ATRIP: variants seen among roughly 807,000 people sequenced by gnomAD.
The protein encoded by ATRIP is ATR-interacting protein.
ATRIP carries 44 observed loss-of-function variants against 78.1 expected under a neutral mutation model. The observed-to-expected ratio is 0.56, with a 90% CI of 0.44 to 0.72. The LOEUF (loss-of-function observed/expected upper bound fraction) is 0.72, where lower values mean the gene tolerates loss of function less well. Ranked by LOEUF, ATRIP falls within the 30% of genes least tolerant of loss-of-function variation. ATRIP has a pLI of 0.00. For synonymous variants in ATRIP, 388 were observed against 408.9 expected (o/e 0.95, Z 0.62); for missense variants, 927 against 980.2 (o/e 0.95, Z 0.72).
intron 8 of ATRIP, among the ~76,000 whole-genome samples, chr3:48,462,934 T>TA (rs1325005404): frequency 6.6e-6 from 1 of 152,192 alleles, no homozygotes. Context: ...GGATTTGCCC[T>TA]AAAGTGAGTT....
chr3:48,458,563 A>C (rs886606571), intron 5 of ATRIP, among the ~76,000 whole-genome samples: 6 of 151,708 alleles, frequency 4.0e-5, no homozygotes, highest in Non-Finnish European at 5.9e-5. Flanking sequence ...CTCGTGATCC[A>C]CCCACTTCAG....
intron 1 of ATRIP, chr3:48,447,483 C>T: frequency 1.0e-6 from 1 of 995,658 alleles, no homozygotes; most frequent in Non-Finnish European, 1.2e-6. Context: ...AGCCCACTGT[C>T]TCCCTTGGGC....
chr3:48,462,389 C>G (rs1268283798), intron 8 of ATRIP, among the ~76,000 whole-genome samples: 1 of 151,934 alleles, frequency 6.6e-6, no homozygotes, highest in African/African-American at 2.4e-5. Flanking sequence ...TACTGGGGCT[C>G]TTCATAAAAT....
chr3:48,464,821 C>G lies in ATRIP; in HGVS notation c.2056-10C>G, dbSNP rs371490205. On this transcript the variant is annotated splice_polypyrimidine_tract_variant and intron_variant, in intron 11 of 12. Coordinates refer to ENST00000320211, the MANE Select transcript of ATRIP (RefSeq NM_130384.3). Reference sequence around the variant, plus strand: ...GCACCAGGCCTCAGTCTGCACCCCCCCTCTCTCAGGTGGTCAGAGCGCTCA... The same window carrying G: ...GCACCAGGCCTCAGTCTGCACCCCCGCTCTCTCAGGTGGTCAGAGCGCTCA... 46 of 1,604,964 alleles carry G rather than the reference C, an allele frequency of 2.9e-5. No individual in the cohort carries two copies. Among genetic ancestry groups the G allele is most frequent in the Admixed American group, 1.2e-4 (7 of 59,800 alleles).
chr3:48,457,839 C>T (rs1190300434), intron 5 of ATRIP, among the ~76,000 whole-genome samples: 2 of 152,150 alleles, frequency 1.3e-5, no homozygotes, highest in African/African-American at 4.8e-5. Context: ...GGGGAGAAAC[C>T]AAGCTTATAC....
chr3:48,449,770 CAAAA>C (rs779657943), intron 1 of ATRIP, among the ~76,000 whole-genome samples: 14 of 43,316 alleles, frequency 3.2e-4, no homozygotes, highest in African/African-American at 5.4e-4. Flanking sequence ...TACTAAAATC[CAAAA>C]AAAAAAAAAA....
rs567652194 is a variant in ATRIP, at chr3:48,450,412, T to C, written c.381+242T>C. On this transcript the variant is annotated intron_variant, in intron 2 of 12. Transcript: ENST00000320211. ...CAGATCCAAAAAGAGATACAAACTG[T>C]TAGGGTACTAAGATGAATTTATAGC... 2.4e-5 allele frequency: 25 copies of C among 1,048,692 alleles called. No individual in the cohort carries two copies. The African/African-American group carries it at 3.4e-4, about 14-fold the overall frequency. The allele number at this position is 1,048,692 out of a possible 1,614,324, so 65.0% of individuals were successfully genotyped here.
At chr3:48,450,400 A>T in intron 2 of ATRIP, 1 of 1,017,732 alleles carries the variant, frequency 9.8e-7, no homozygotes, top group Non-Finnish European at 1.4e-6. Flanking sequence ...ATCCAAAAAG[A>T]GATACAAACT....
At chr3:48,459,633 TC>T in intron 6 of ATRIP, 153 bp from the exon 7 acceptor site, 1 of 1,176,396 alleles carries the variant, frequency 8.5e-7, no homozygotes, top group Non-Finnish European at 1.2e-6. Flanking sequence ...GGCAGGTATG[TC>T]CCAGAGCCTT....
In ATRIP at chr3:48,446,916, C is replaced by T; in HGVS notation, c.71C>T (p.Pro24Leu). ...CCGGCGCCTCGCCCCGGCCCGCCGC[C>T]GGGCACCGGGCACCCCCCGAGCAAG... Reference protein sequence around the residue: ...EPPAPRPGPPPGTGHPPSKRA... With the variant: ...EPPAPRPGPPLGTGHPPSKRA... The change falls in exon 1 of 13, where the codon CCG becomes CTG. Residue 24 changes from proline to leucine, a missense_variant. Pro to Leu is a moderately conservative substitution (Grantham distance 98, BLOSUM62 -3). Transcript: ENST00000320211. 1.4e-6 allele frequency: 2 copies of T among 1,401,206 alleles called. No homozygotes were observed. Among genetic ancestry groups the T allele is most frequent in the South Asian group, 1.7e-5 (1 of 58,742 alleles). The allele number at this position is 1,401,206 out of a possible 1,614,324, so 86.8% of individuals were successfully genotyped here.
intron 2 of ATRIP, chr3:48,450,666 A>C (rs1168314241): frequency 5.0e-5 from 32 of 640,516 alleles, no homozygotes; most frequent in Non-Finnish European, 6.7e-5. Flanking sequence ...GGCTCACTTC[A>C]ACCTCTGCCT....
rs1465109756 is a variant in ATRIP, at chr3:48,459,855, C to T, written c.994C>T (p.Leu332Phe). The T allele has an allele frequency of 1.2e-6, 2 of 1,613,922 alleles. No individual in the cohort carries two copies. The highest frequency in any genetic ancestry group is 2.7e-5 in the African/African-American group (2 of 74,908). Reference sequence around the variant, plus strand: ...AGGGTCATCCCTAAGCCTTTGCCACCTCCTGAGTAGTAGTTCTGAGTCTCC... The same window carrying T: ...AGGGTCATCCCTAAGCCTTTGCCACTTCCTGAGTAGTAGTTCTGAGTCTCC... ...IPGSSLSLCH[L>F]LSSSSESPAG... The change falls in exon 7 of 13, where the codon CTC becomes TTC. Residue 332 changes from leucine (L) to phenylalanine (F), a missense_variant. By Grantham distance (22) the Leu-to-Phe change is conservative. Coordinates refer to ENST00000320211, the MANE Select transcript of ATRIP (RefSeq NM_130384.3).
At chr3:48,449,413 C>CAAAAAAAAAAAAA (rs1297709851) in intron 1 of ATRIP, among the ~76,000 whole-genome samples, 4 of 60,106 alleles carry the variant, frequency 6.7e-5, no homozygotes, top group African/African-American at 3.3e-4. Flanking sequence ...GACTCTGTCT[C>CAAAAAAAAAAAAA]AAAAAAAAAA....
Position 48,465,833 on chromosome 3 carries a change from ATTGC to A in ATRIP, c.*282_*285del. ...CCTGCCTGTGGAATTGTCCTGAGTCATTGCTTTGGGCTGGGGCCATGGGAAGAAA... is the reference window on the plus strand; with the variant it reads ...CCTGCCTGTGGAATTGTCCTGAGTCATTTGGGCTGGGGCCATGGGAAGAAA... On this transcript the variant is annotated 3_prime_UTR_variant, in exon 13 of 13. Coordinates refer to ENST00000320211, the MANE Select transcript of ATRIP (RefSeq NM_130384.3). 1 of 393,300 alleles carries A rather than the reference ATTGC, an allele frequency of 2.5e-6. No individual in the cohort carries two copies. The highest frequency in any genetic ancestry group is 4.8e-6 in the Non-Finnish European group (1 of 208,900). 24.4% of individuals were successfully genotyped at this position (393,300 alleles called of 1,614,324 possible).
At position 48,464,862 on chromosome 3, in the gene ATRIP, G is replaced by C. The variant is rs1442093224; in HGVS notation, c.2087G>C (p.Arg696Thr). 3 of 1,613,544 alleles carry C rather than the reference G, an allele frequency of 1.9e-6. No individual in the cohort carries two copies. In the South Asian group the frequency reaches 3.3e-5, roughly 18 times the overall value. ...VVRALTVMLH[R>T]QWLTVRRAGG... is the part of the protein sequence containing the mutation. ...AGAGCGCTCACGGTGATGTTGCACA[G>C]ACAGTGGCTGACAGTGCGGAGGGCA... The change falls in exon 12 of 13, where the codon AGA becomes ACA. Residue 696 changes from arginine to threonine, a missense_variant. By Grantham distance (71) the Arg-to-Thr change is moderately conservative (BLOSUM62 -1). Transcript: ENST00000320211.
intron 12 of ATRIP, 34 bp downstream of exon 12, chr3:48,465,117 C>A: frequency 6.3e-7 from 1 of 1,583,738 alleles, no homozygotes; most frequent in Non-Finnish European, 8.6e-7. Flanking sequence ...GCCCAGCCCC[C>A]ATGGCTTCTT....
At position 48,460,596 on chromosome 3, in the gene ATRIP, T is replaced by C. The variant is rs760025331; in HGVS notation, c.1542T>C (p.Val514=). The change falls in exon 8 of 13, where the codon GTT becomes GTC. Residue 514 remains valine, a synonymous_variant. Transcript: ENST00000320211. ...SAAGEGNRSL[V]HRLSDGDMTS... ...CTGGGGAAGGAAACAGGAGCCTGGT[T>C]CACAGGCTTAGTGATGGAGATATGA... 6.2e-7 allele frequency: 1 copy of C among 1,614,160 alleles called. No individual in the cohort carries two copies. Among genetic ancestry groups the C allele is most frequent in the African/African-American group, 1.3e-5 (1 of 75,026 alleles).
chr3:48,463,773 A>C lies in ATRIP; in HGVS notation c.1774A>C (p.Lys592Gln). The change falls in exon 9 of 13, where the codon AAG (lysine) becomes CAG (glutamine). Residue 592 changes from lysine to glutamine, a missense_variant. Physicochemically the swap from Lys to Gln is moderately conservative, Grantham distance 53 (BLOSUM62 1). Transcript: ENST00000320211. ...RFQCVFQVLP[K>Q]CLSPETPLPS... ...CCAGTGTGTGTTCCAAGTGCTGCCA[A>C]AGTGCCTCAGCCCAGAGACACCCCT... The C allele has an allele frequency of 6.2e-7, 1 of 1,614,138 alleles. No individual in the cohort carries two copies. The highest frequency in any genetic ancestry group is 8.5e-7 in the Non-Finnish European group (1 of 1,180,012).
intron 5 of ATRIP, 112 bp from the exon 6 acceptor site, chr3:48,459,247 C>G: frequency 1.2e-6 from 1 of 857,204 alleles, no homozygotes; most frequent in Non-Finnish European, 1.9e-6. Context: ...CTTGTTTGTT[C>G]CAAGTTCGAA....
Sources: gnomAD v4.1 joint callset for allele counts (sites outside exome capture counted in the v4.1 genomes callset) on GRCh38, gnomAD v4.1.1 for gene constraint, MANE v1.5 for transcripts, NCBI Gene and HGNC (gene_info 2026-07-23, HGNC 2026-07-21) for gene names.